PTPRD: variants seen among roughly 807,000 people sequenced by gnomAD.
PTPRD encodes the protein receptor-type tyrosine-protein phosphatase delta.
Under a neutral mutation model 214.5 loss-of-function variants are expected in PTPRD, and 34 were observed. The ratio of observed to expected loss-of-function variants is 0.16; its 90% CI spans 0.12 to 0.21. The LOEUF is 0.21. Ranked by LOEUF, PTPRD falls within the 10% of genes least tolerant of loss-of-function variation. The pLI is 1.00. For synonymous variants in PTPRD, 1,128 were observed against 845.7 expected (o/e 1.33, Z -5.79); for missense variants, 2,545 against 2,398.7 (o/e 1.06, Z -1.27).
At chr9:9,104,765 T>C (rs1287706273) in intron 10 of PTPRD, among the ~76,000 whole-genome samples, 1 of 152,218 alleles carries the variant, frequency 6.6e-6, no homozygotes, top group Non-Finnish European at 1.5e-5. Context: ...TGTCATTTCT[T>C]TGTTCATTCT....
At chr9:8,721,450 G>T (rs56306224) in intron 12 of PTPRD, among the ~76,000 whole-genome samples, 1 of 146,310 alleles carries the variant, frequency 6.8e-6, no homozygotes. Flanking sequence ...AAAAAAGAAA[G>T]ATAAAGTGTT....
chr9:9,548,408 T>TTC (rs1555549930), intron 8 of PTPRD, among the ~76,000 whole-genome samples: 6 of 147,252 alleles, frequency 4.1e-5, no homozygotes, highest in South Asian at 2.2e-4. Flanking sequence ...TTTTTTTCTT[T>TTC]TTTTTTTTTT....
At chr9:10,529,738 G>C (rs1032161620) in intron 2 of PTPRD, among the ~76,000 whole-genome samples, 1 of 149,794 alleles carries the variant, frequency 6.7e-6, no homozygotes, top group Non-Finnish European at 1.5e-5. Context: ...AAAAGAATGA[G>C]TTCATGTCTT....
At chr9:8,374,154 A>G (rs2082515364) in intron 39 of PTPRD, among the ~76,000 whole-genome samples, 1 of 141,966 alleles carries the variant, frequency 7.0e-6, no homozygotes, top group African/African-American at 2.6e-5. Context: ...GTGTGTGTGT[A>G]CCGTATTTTT....
intron 10 of PTPRD, among the ~76,000 whole-genome samples, chr9:9,128,598 G>T (rs1013019150): frequency 1.3e-5 from 2 of 152,210 alleles, no homozygotes; most frequent in African/African-American, 4.8e-5. Context: ...GTCTATACAT[G>T]TAGTTGCTTT....
intron 5 of PTPRD, among the ~76,000 whole-genome samples, chr9:9,911,117 G>A (rs1601827511): frequency 6.6e-6 from 1 of 151,932 alleles, no homozygotes. Flanking sequence ...TTATTGTGTG[G>A]ATAATATACA....
chr9:8,318,902 G>C (rs960647777), intron 45 of PTPRD, among the ~76,000 whole-genome samples: 1 of 152,050 alleles, frequency 6.6e-6, no homozygotes, highest in African/African-American at 2.4e-5. Context: ...CAATCGGGCT[G>C]AAAGTAGACA....
At chr9:8,656,019 C>A (rs1427261994) in intron 12 of PTPRD, among the ~76,000 whole-genome samples, 1 of 152,150 alleles carries the variant, frequency 6.6e-6, no homozygotes, top group Non-Finnish European at 1.5e-5. Context: ...CTCTAATTTA[C>A]CCGAGATAGC....
In PTPRD at chr9:9,939,734, C is replaced by A. The variant is rs556509123; in HGVS notation, c.-471-1124G>T. On this transcript the variant is annotated intron_variant, in intron 4 of 45. Transcript: ENST00000381196. ...CTGTCTTCTGGTGTCAAGCTTGGAA[C>A]CACTTATTTTGTCTCATCTTGCTAA... is the stretch of plus-strand genomic sequence containing the variant. Among the ~76,000 whole-genome samples, 3 of 152,192 alleles carry A rather than the reference C, an allele frequency of 2.0e-5. No individual in the cohort carries two copies. In the South Asian group the frequency reaches 6.2e-4, roughly 32 times the overall value.
intron 8 of PTPRD, among the ~76,000 whole-genome samples, chr9:9,438,152 T>C (rs2086078523): frequency 6.6e-6 from 1 of 152,202 alleles, no homozygotes. Flanking sequence ...AAATTCACTT[T>C]CACTTGATAA....
chr9:9,594,717 T>C (rs1410617266), intron 7 of PTPRD, among the ~76,000 whole-genome samples: 1 of 152,114 alleles, frequency 6.6e-6, no homozygotes, highest in Non-Finnish European at 1.5e-5. Context: ...CCTCTAGATT[T>C]ATTCTTTTTG....
intron 2 of PTPRD, among the ~76,000 whole-genome samples, chr9:10,480,176 C>A (rs1199925462): frequency 6.6e-6 from 1 of 152,138 alleles, no homozygotes; most frequent in African/African-American, 2.4e-5. Flanking sequence ...AAGTGTGCCA[C>A]ACTCAGATGA....
chr9:9,877,225 G>A (rs754074693), intron 5 of PTPRD, among the ~76,000 whole-genome samples: 91 of 152,244 alleles, frequency 6.0e-4, no homozygotes, highest in Middle Eastern at 3.4e-3. Context: ...TGGTAATGCA[G>A]GTAATTCTAT....
intron 9 of PTPRD, among the ~76,000 whole-genome samples, chr9:9,217,783 G>T (rs2099953244): frequency 6.6e-6 from 1 of 152,042 alleles, no homozygotes; most frequent in African/African-American, 2.4e-5. Context: ...ATCCCGCCCA[G>T]CATTCCAAAT....
At chr9:10,173,188 T>C (rs1049845079) in intron 3 of PTPRD, among the ~76,000 whole-genome samples, 1 of 152,200 alleles carries the variant, frequency 6.6e-6, no homozygotes, top group Non-Finnish European at 1.5e-5. Flanking sequence ...GGGGGATTTA[T>C]TTTGAAGTGT....
At chr9:9,600,110 G>A (rs1460623825) in intron 7 of PTPRD, among the ~76,000 whole-genome samples, 1 of 151,976 alleles carries the variant, frequency 6.6e-6, no homozygotes, top group African/African-American at 2.4e-5. Flanking sequence ...GTTTATGTGT[G>A]CGGTATACAC....
intron 11 of PTPRD, among the ~76,000 whole-genome samples, chr9:8,896,515 C>A (rs978564296): frequency 1.3e-5 from 2 of 152,158 alleles, no homozygotes; most frequent in Admixed American, 6.6e-5. Context: ...TATAAAGAAT[C>A]ACAACCTAAC....
chr9:10,186,507 T>C (rs2099330776), intron 3 of PTPRD, among the ~76,000 whole-genome samples: 1 of 152,156 alleles, frequency 6.6e-6, no homozygotes, highest in Admixed American at 6.5e-5. Flanking sequence ...TATAACACAA[T>C]GCATTTATCA....
chr9:10,171,162 A>T (rs1315311056), intron 3 of PTPRD, among the ~76,000 whole-genome samples: 1 of 152,156 alleles, frequency 6.6e-6, no homozygotes, highest in Non-Finnish European at 1.5e-5. Flanking sequence ...TATACCTGGG[A>T]GATCTACTGT....
Sources: allele counts gnomAD v4.1 joint callset (sites outside exome capture counted in the v4.1 genomes callset), GRCh38; gene constraint gnomAD v4.1.1; transcripts MANE v1.5; gene names NCBI Gene and HGNC (gene_info 2026-07-23, HGNC 2026-07-21).